DOCK7: variants seen among roughly 807,000 people sequenced by gnomAD.
DOCK7 encodes the protein dedicator of cytokinesis 7.
DOCK7 carries 138 observed loss-of-function variants against 271.0 expected under a neutral mutation model. The ratio of observed to expected loss-of-function variants is 0.51; its 90% CI spans 0.44 to 0.59. The LOEUF (loss-of-function observed/expected upper bound fraction) is 0.59, where lower values mean the gene tolerates loss of function less well. Among genes scored for constraint, DOCK7 ranks in the 20% least tolerant of loss-of-function variants. The pLI is 0.00. For synonymous variants in DOCK7, 823 were observed against 876.1 expected (o/e 0.94, Z 1.07); for missense variants, 2,066 against 2,592.4 (o/e 0.80, Z 4.41).
At chr1:62,523,697 T>C (rs1209721230) in intron 31 of DOCK7, among the ~76,000 whole-genome samples, 1 of 152,028 alleles carries the variant, frequency 6.6e-6, no homozygotes, top group East Asian at 1.9e-4. Flanking sequence ...TGAAACCCCA[T>C]CTCTACTAAA....
chr1:62,536,112 G>GTT (rs879398902), intron 28 of DOCK7, among the ~76,000 whole-genome samples: 1 of 105,616 alleles, frequency 9.5e-6, no homozygotes, highest in Non-Finnish European at 2.1e-5. Context: ...TGTTGTCTGA[G>GTT]TTTTTTTTTT....
chr1:62,469,796 C>T (rs933202483), intron 48 of DOCK7, among the ~76,000 whole-genome samples: 2 of 150,728 alleles, frequency 1.3e-5, no homozygotes, highest in African/African-American at 2.4e-5. Flanking sequence ...TACAAATGGC[C>T]AACATATGAA....
rs183594125 is a variant in DOCK7, at chr1:62,537,867, T to C, written c.3471+24A>G. 985 of 1,597,298 alleles carry C rather than the reference T, an allele frequency of 6.2e-4. 7 individuals carry two copies. The Middle Eastern group carries it at 6.5e-3, about 11-fold the overall frequency. ...CTTCACAAAAGTGACTTTAAATATA[T>C]GTATATTCACACAATTTGCATACCT... is the stretch of plus-strand genomic sequence containing the variant. On this transcript the variant is annotated intron_variant, in intron 28 of 49. Coordinates refer to ENST00000635253, the MANE Select transcript of DOCK7 (RefSeq NM_001367561.1).
chr1:62,624,580 C>A (rs1653699867), intron 12 of DOCK7, among the ~76,000 whole-genome samples: 1 of 152,056 alleles, frequency 6.6e-6, no homozygotes, highest in South Asian at 2.1e-4. Context: ...GTAGTTTAGG[C>A]CAGAAATACT....
At chr1:62,593,507 T>C (rs1380288996) in intron 14 of DOCK7, among the ~76,000 whole-genome samples, 1 of 152,084 alleles carries the variant, frequency 6.6e-6, no homozygotes, top group African/African-American at 2.4e-5. Context: ...GAGGGGGAAG[T>C]TGCAGTGAGC....
At chr1:62,646,212 T>C (rs1215511449) in intron 7 of DOCK7, among the ~76,000 whole-genome samples, 2 of 149,298 alleles carry the variant, frequency 1.3e-5, no homozygotes, top group Middle Eastern at 7.1e-3. Flanking sequence ...CAGATGAACG[T>C]TGAAAACATT....
chr1:62,477,573 T>C (rs1484495142), intron 44 of DOCK7, 127 bp downstream of exon 44: 1 of 955,180 alleles, frequency 1.0e-6, no homozygotes, highest in Non-Finnish European at 1.5e-6. Flanking sequence ...AAAGTCCTTA[T>C]TCTCTAACGG....
intron 48 of DOCK7, among the ~76,000 whole-genome samples, chr1:62,468,444 C>A (rs927974907): frequency 6.6e-6 from 1 of 151,310 alleles, no homozygotes; most frequent in Non-Finnish European, 1.5e-5. Flanking sequence ...ATGACAAATC[C>A]ACAGCCAACA....
At chr1:62,640,607 G>A (rs1371147484) in intron 7 of DOCK7, among the ~76,000 whole-genome samples, 2 of 152,188 alleles carry the variant, frequency 1.3e-5, no homozygotes, top group African/African-American at 2.4e-5. Context: ...CAAAATACAG[G>A]GAAGGAGCAA....
intron 37 of DOCK7, among the ~76,000 whole-genome samples, chr1:62,497,361 TG>T (rs1646652860): frequency 1.3e-5 from 2 of 152,318 alleles, no homozygotes; most frequent in South Asian, 4.1e-4. Context: ...AGCTGATATT[TG>T]TCTGTAGAAC....
At chr1:62,460,213 A>G (rs900206274) in intron 48 of DOCK7, among the ~76,000 whole-genome samples, 1 of 152,112 alleles carries the variant, frequency 6.6e-6, no homozygotes, top group East Asian at 1.9e-4. Context: ...AATGGAGACT[A>G]TAAGAAAAAA....
intron 31 of DOCK7, among the ~76,000 whole-genome samples, chr1:62,521,456 T>C (rs547050357): frequency 6.6e-6 from 1 of 151,676 alleles, no homozygotes; most frequent in East Asian, 1.9e-4. Context: ...AAAGTGAGGG[T>C]CAACAGTGCC....
At chr1:62,465,019 G>A (rs574620636) in intron 48 of DOCK7, among the ~76,000 whole-genome samples, 159 of 152,068 alleles carry the variant, frequency 1.0e-3, no homozygotes, top group African/African-American at 3.3e-3. Context: ...ACATAAACAC[G>A]GACCCTGCAT....
intron 30 of DOCK7, among the ~76,000 whole-genome samples, 165 bp from the exon 31 acceptor site, chr1:62,528,470 T>C: frequency 1.3e-5 from 2 of 152,350 alleles, no homozygotes; most frequent in Admixed American, 1.3e-4. Flanking sequence ...AACTCATTGC[T>C]ATGGTAATAA....
At chr1:62,658,244 A>G (rs1235071824) in intron 2 of DOCK7, among the ~76,000 whole-genome samples, 2 of 152,028 alleles carry the variant, frequency 1.3e-5, no homozygotes, top group Non-Finnish European at 2.9e-5. Flanking sequence ...ACCTGAGGTT[A>G]GGAGTTCGAG....
intron 18 of DOCK7, among the ~76,000 whole-genome samples, chr1:62,573,054 T>C (rs1036412274): frequency 2.0e-5 from 3 of 152,166 alleles, no homozygotes; most frequent in East Asian, 3.8e-4. Context: ...TGTTGTTCAG[T>C]AAATAAAACA....
At chr1:62,630,955 C>T (rs1288399140) in intron 11 of DOCK7, among the ~76,000 whole-genome samples, 1 of 152,054 alleles carries the variant, frequency 6.6e-6, no homozygotes, top group Non-Finnish European at 1.5e-5. Flanking sequence ...GAGGCCGAGG[C>T]AGGCAGATCA....
At chr1:62,669,814 A>G (rs1168544088) in intron 1 of DOCK7, among the ~76,000 whole-genome samples, 1 of 152,020 alleles carries the variant, frequency 6.6e-6, no homozygotes, top group East Asian at 1.9e-4. Flanking sequence ...TCAGTCCCCC[A>G]CTGCACTGTG....
chr1:62,502,109 C>T (rs1646800903), intron 37 of DOCK7, among the ~76,000 whole-genome samples: 2 of 151,996 alleles, frequency 1.3e-5, no homozygotes, highest in South Asian at 4.1e-4. Context: ...GTTCTGGCTA[C>T]TAGATATTCA....
Sources: gnomAD v4.1 joint callset for allele counts (sites outside exome capture counted in the v4.1 genomes callset) on GRCh38, gnomAD v4.1.1 for gene constraint, MANE v1.5 for transcripts, NCBI Gene and HGNC (gene_info 2026-07-23, HGNC 2026-07-21) for gene names.